Variants in KIF13A observed in about 807,000 individuals in gnomAD.
KIF13A encodes the protein kinesin-like protein KIF13A.
A neutral mutation model predicts 212.2 loss-of-function variants in KIF13A; 79 were observed. The observed-to-expected ratio is 0.37, with a 90% CI of 0.31 to 0.45. KIF13A has a LOEUF of 0.45. Among genes scored for constraint, KIF13A ranks in the 20% least tolerant of loss-of-function variants. The probability of loss-of-function intolerance (pLI) is 1.00; values close to 1 mark genes in which losing one functional copy is unlikely to be tolerated. For synonymous variants in KIF13A, 789 were observed against 808.6 expected, an observed-to-expected ratio of 0.98 and a Z score of 0.41; for missense variants, 1,901 against 2,209.0, an observed-to-expected ratio of 0.86 and a Z score of 2.79.
intron 2 of KIF13A, among the ~76,000 whole-genome samples, chr6:17,973,431 G>C (rs1171993314): frequency 1.3e-5 from 2 of 152,224 alleles, no homozygotes; most frequent in East Asian, 1.9e-4. Flanking sequence ...TTCCATTCTC[G>C]TATCAGCTAC....
chr6:17,834,508 T>C lies in KIF13A; in HGVS notation c.1156-437A>G, dbSNP rs925577621. Reference sequence around the variant, plus strand: ...AAAGACTTCTCATGTATTTTAAATTTTGAATCTGGGCCTTTAGACTACCTT... The same window carrying C: ...AAAGACTTCTCATGTATTTTAAATTCTGAATCTGGGCCTTTAGACTACCTT... On this transcript the variant is annotated intron_variant, in intron 11 of 38. Coordinates refer to ENST00000259711, the MANE Select transcript of KIF13A (RefSeq NM_022113.6). The surrounding 1 kb of genome is among the most constrained non-coding windows in gnomAD (Gnocchi z 4.0). Among the ~76,000 whole-genome samples the C allele has an allele frequency of 6.6e-6, 1 of 152,230 alleles. No individual in the cohort carries two copies. Among genetic ancestry groups the C allele is most frequent in the Non-Finnish European group, 1.5e-5 (1 of 68,042 alleles).
At chr6:17,782,470 T>C (rs1760686253) in intron 29 of KIF13A, among the ~76,000 whole-genome samples, 1 of 151,852 alleles carries the variant, frequency 6.6e-6, no homozygotes, top group East Asian at 2.0e-4. Flanking sequence ...ACCCCGTCTC[T>C]ATTAAAAATA....
At chr6:17,972,826 A>T (rs1189306130) in intron 2 of KIF13A, among the ~76,000 whole-genome samples, 1 of 103,432 alleles carries the variant, frequency 9.7e-6, no homozygotes, top group East Asian at 2.9e-4. Flanking sequence ...TCTTTGAGAG[A>T]GAGTGAGAAA....
At chr6:17,824,528 G>C (rs910672877) in intron 16 of KIF13A, among the ~76,000 whole-genome samples, 7 of 152,056 alleles carry the variant, frequency 4.6e-5, no homozygotes, top group Non-Finnish European at 1.0e-4. Context: ...GGGAGGCCAA[G>C]ACAGGCGGAT....
At position 17,897,930 on chromosome 6, in the gene KIF13A, T is replaced by C. The variant is rs1772708180; in HGVS notation, c.159+238A>G. Among the ~76,000 whole-genome samples, 2 of 152,198 alleles carry C rather than the reference T, an allele frequency of 1.3e-5. No individual in the cohort carries two copies. Among genetic ancestry groups the C allele is most frequent in the Admixed American group, 1.3e-4 (2 of 15,276 alleles). The stretch of plus-strand genomic sequence containing the variant: ...GAAACAATAACCTGACAGGTTTGCT[T>C]TGAAGATTACAGCATTCATTCTGAG... On this transcript the variant is annotated intron_variant, in intron 3 of 38. Coordinates refer to ENST00000259711, the MANE Select transcript of KIF13A (RefSeq NM_022113.6). The surrounding 1 kb of genome is among the most constrained non-coding windows in gnomAD (Gnocchi z 4.8).
intron 7 of KIF13A, 46 bp downstream of exon 7, chr6:17,851,909 T>G: frequency 9.8e-7 from 1 of 1,016,774 alleles, no homozygotes; most frequent in East Asian, 2.9e-5. Context: ...TTACATACTT[T>G]GATTTATAGT....
chr6:17,797,280 C>G (rs550759576), intron 22 of KIF13A, among the ~76,000 whole-genome samples: 2 of 152,136 alleles, frequency 1.3e-5, no homozygotes, highest in South Asian at 4.1e-4. Context: ...CCACCTGCCT[C>G]GGCCTCCCAC....
In KIF13A at chr6:17,771,453, A is replaced by T. The variant is rs1759485312; in HGVS notation, c.4477-235T>A. 1 of 501,406 alleles carries T rather than the reference A, an allele frequency of 2.0e-6. No individual in the cohort carries two copies. The highest frequency in any genetic ancestry group is 2.0e-5 in the African/African-American group (1 of 50,314). The allele number at this position is 501,406 out of a possible 1,614,324, so 31.1% of individuals were successfully genotyped here. A position where few individuals can be genotyped will look rare whatever the true frequency, so the allele number is the denominator to read the frequency against. On this transcript the variant is annotated intron_variant, in intron 37 of 38. Coordinates refer to ENST00000259711, the MANE Select transcript of KIF13A (RefSeq NM_022113.6). This position sits in a 1 kb window ranked among gnomAD's most constrained non-coding sequence, Gnocchi z 5.4. ...TTAAAAAACAGCCTTTTGACCAGGT[A>T]CAACGGCTCATGCCTGCAATCCCAG...
chr6:17,836,546 A>G (rs1765968686), intron 11 of KIF13A, among the ~76,000 whole-genome samples: 1 of 152,188 alleles, frequency 6.6e-6, no homozygotes, highest in Non-Finnish European at 1.5e-5. Context: ...CATTGAGATG[A>G]TGTATTAGTC....
At position 17,837,055 on chromosome 6, in the gene KIF13A, T is replaced by C. The variant is rs2150380159; in HGVS notation, c.978A>G (p.Ile326Met). 6.2e-7 allele frequency: 1 copy of C among 1,613,992 alleles called. No homozygotes were observed. Among genetic ancestry groups the C allele is most frequent in the African/African-American group, 1.3e-5 (1 of 75,050 alleles). ...NLGGNSQTSM[I>M]ATISPAADNY... is the part of the protein sequence containing the mutation. ...TGTCTGCGGCTGGGCTGATTGTGGCTATCATAGAGGTTTGGCTGTTGCCCC... is the reference window on the plus strand; with the variant it reads ...TGTCTGCGGCTGGGCTGATTGTGGCCATCATAGAGGTTTGGCTGTTGCCCC... Residue 326 changes from isoleucine (I) to methionine (M), a missense_variant, in exon 11 of 39, where the codon ATA (isoleucine) becomes ATG (methionine). Ile to Met is a conservative substitution (Grantham distance 10, BLOSUM62 1). Around this residue, in one of 5 missense-constraint regions of KIF13A, gnomAD observed 506 missense variants for 637.4 expected, o/e 0.79. Transcript: ENST00000259711. The surrounding 1 kb of genome is among the most constrained non-coding windows in gnomAD (Gnocchi z 5.4).
In KIF13A at chr6:17,769,663, A is replaced by T. The variant is rs1759318956; in HGVS notation, c.4581+1451T>A. Among the ~76,000 whole-genome samples the T allele has an allele frequency of 6.8e-6, 1 of 146,284 alleles. No homozygotes were observed. Among genetic ancestry groups the T allele is most frequent in the Non-Finnish European group, 1.5e-5 (1 of 67,170 alleles). On this transcript the variant is annotated intron_variant, in intron 38 of 38. Transcript: ENST00000259711. This position sits in a 1 kb window ranked among gnomAD's most constrained non-coding sequence, Gnocchi z 5.8. The stretch of plus-strand genomic sequence containing the variant: ...TTGTACCAAAATGTATCGTTGCAAT[A>T]GGTTTAAATTGAGTGGCTGTGCACC...
intron 3 of KIF13A, among the ~76,000 whole-genome samples, chr6:17,879,221 G>T (rs1378244215): frequency 1.3e-5 from 2 of 152,134 alleles, no homozygotes; most frequent in African/African-American, 4.8e-5. Context: ...TGGTTCTTCT[G>T]TGTGGGTCTT....
At chr6:17,889,427 A>G (rs1343084912) in intron 3 of KIF13A, among the ~76,000 whole-genome samples, 1 of 152,220 alleles carries the variant, frequency 6.6e-6, no homozygotes, top group Non-Finnish European at 1.5e-5. Flanking sequence ...ACAAGCTCTA[A>G]CACTCAAATA....
chr6:17,836,924 A>G lies in KIF13A; in HGVS notation c.1109T>C (p.Leu370Pro). The change falls in exon 11 of 39, where the codon CTG becomes CCG. Residue 370 changes from leucine to proline, a missense_variant. By Grantham distance (98) the Leu-to-Pro change is moderately conservative. Around this residue, in one of 5 missense-constraint regions of KIF13A, gnomAD observed 506 missense variants for 637.4 expected, o/e 0.79. Coordinates refer to ENST00000259711, the MANE Select transcript of KIF13A (RefSeq NM_022113.6). ...TCTCAGTTTCTCGACTTCCTCCCGC[A>G]GTTCTCGGATCACTTTTGCGTTGGG... The part of the protein sequence containing the change: ...EDPNAKVIRE[L>P]REEVEKLREQ... 1 of 1,613,870 alleles carries G rather than the reference A, an allele frequency of 6.2e-7. No individual in the cohort carries two copies. Among genetic ancestry groups the G allele is most frequent in the Non-Finnish European group, 8.5e-7 (1 of 1,179,866 alleles).
At chr6:17,950,883 G>T in intron 2 of KIF13A, 1 of 983,114 alleles carries the variant, frequency 1.0e-6, no homozygotes, top group Non-Finnish European at 1.2e-6. Context: ...TAAATGTGTG[G>T]GATAATTAGA....
At position 17,789,875 on chromosome 6, in the gene KIF13A, A is replaced by G. The variant is rs778411839; in HGVS notation, c.3258T>C (p.Tyr1086=). 5 of 1,612,656 alleles carry G rather than the reference A, an allele frequency of 3.1e-6. No individual in the cohort carries two copies. The highest frequency in any genetic ancestry group is 4.2e-6 in the Non-Finnish European group (5 of 1,178,960). The part of the protein sequence containing the change: ...DDEDGDDMDS[Y]QEEDLNCVRE... ...GGATTGACAGCAGTAGCAATACCTG[A>G]TAACTATCCATATCATCACCATCCT... The change falls in exon 26 of 39, where the codon TAT becomes TAC. Residue 1086 remains tyrosine (Y), a synonymous_variant. Coordinates refer to ENST00000259711, the MANE Select transcript of KIF13A (RefSeq NM_022113.6). This position sits in a 1 kb window ranked among gnomAD's most constrained non-coding sequence, Gnocchi z 4.8.
At chr6:17,774,540 G>A (rs1407494285) in intron 35 of KIF13A, among the ~76,000 whole-genome samples, 4 of 152,156 alleles carry the variant, frequency 2.6e-5, no homozygotes, top group Non-Finnish European at 5.9e-5. Flanking sequence ...TTGGGAGGCC[G>A]AGGCGGATCG....
Position 17,803,119 on chromosome 6 carries a change from A to G in KIF13A, c.2454+1242T>C, listed in dbSNP as rs555214772. On this transcript the variant is annotated intron_variant, in intron 20 of 38. Transcript: ENST00000259711. ...TGGCTAATTTTTTTGTATTTTTAGTAGAGACGGGGTTTCACCATATTGGCC... is the reference window on the plus strand; with the variant it reads ...TGGCTAATTTTTTTGTATTTTTAGTGGAGACGGGGTTTCACCATATTGGCC... Among the ~76,000 whole-genome samples the G allele has an allele frequency of 3.9e-3, 592 of 151,942 alleles. 3 individuals carry two copies. Among genetic ancestry groups the G allele is most frequent in the Non-Finnish European group, 5.0e-3 (341 of 67,942 alleles).
At chr6:17,866,831 A>G (rs1222264870) in intron 4 of KIF13A, among the ~76,000 whole-genome samples, 6 of 1,940 alleles carry the variant, frequency 3.1e-3, no homozygotes, top group Admixed American at 0.025. Context: ...AGCAGCGCAT[A>G]TATATATATA....
Sources: gnomAD v4.1 joint callset for allele counts (sites outside exome capture counted in the v4.1 genomes callset) on GRCh38, gnomAD v4.1.1 for gene constraint, gnomAD v4.1.1 regional missense constraint, Gnocchi (gnomAD v3.1) non-coding constraint, MANE v1.5 for transcripts, NCBI Gene and HGNC (gene_info 2026-07-23, HGNC 2026-07-21) for gene names.